Variants in RALGPS1 observed in about 807,000 individuals in gnomAD.
The protein encoded by RALGPS1 is ras-specific guanine nucleotide-releasing factor RalGPS1.
A neutral mutation model predicts 78.8 loss-of-function variants in RALGPS1; 19 were observed. The observed-to-expected ratio is 0.24, with a 90% confidence interval of 0.17 to 0.35. The LOEUF is 0.35. RALGPS1 is among the 10% of genes least tolerant of loss of function. The pLI, the probability that RALGPS1 is intolerant of heterozygous loss-of-function variation, is 1.00. For missense variants in RALGPS1, 454 were observed against 688.3 expected, an observed-to-expected ratio of 0.66 and a Z score of 3.81; for synonymous variants, 228 against 256.3, an observed-to-expected ratio of 0.89 and a Z score of 1.06.
At chr9:127,208,082 G>A (rs146342377) in intron 14 of RALGPS1, among the ~76,000 whole-genome samples, 7 of 152,326 alleles carry the variant, frequency 4.6e-5, no homozygotes, top group African/African-American at 1.7e-4. Flanking sequence ...ATGCTCTTGT[G>A]TGAAAGCATG....
At chr9:127,131,500 G>A (rs2057002845) in intron 8 of RALGPS1, among the ~76,000 whole-genome samples, 1 of 152,190 alleles carries the variant, frequency 6.6e-6, no homozygotes. Flanking sequence ...CAAAAACGGA[G>A]CCTCTCAGGA....
chr9:127,210,899 C>T, intron 14 of RALGPS1: 1 of 826,918 alleles, frequency 1.2e-6, no homozygotes, highest in Admixed American at 2.5e-5. Context: ...CTACATGAGT[C>T]TACTGCCAGG....
chr9:127,019,904 A>G (rs913426983), intron 4 of RALGPS1, among the ~76,000 whole-genome samples: 2 of 152,182 alleles, frequency 1.3e-5, no homozygotes, highest in African/African-American at 4.8e-5. Flanking sequence ...AGATACTACT[A>G]AGCTTCTAAG....
At chr9:127,192,245 G>A (rs1430326734) in intron 11 of RALGPS1, among the ~76,000 whole-genome samples, 3 of 152,234 alleles carry the variant, frequency 2.0e-5, no homozygotes, top group Admixed American at 6.5e-5. Context: ...TGGAGGCCAT[G>A]ATGACTGTGC....
chr9:126,987,891 G>A (rs904875551), intron 4 of RALGPS1, among the ~76,000 whole-genome samples: 4 of 152,168 alleles, frequency 2.6e-5, no homozygotes, highest in South Asian at 2.1e-4. Flanking sequence ...GGGCGCTAGC[G>A]TATCAAGGAA....
intron 8 of RALGPS1, among the ~76,000 whole-genome samples, chr9:127,102,898 G>C (rs1001263912): frequency 6.6e-6 from 1 of 152,206 alleles, no homozygotes; most frequent in African/African-American, 2.4e-5. Flanking sequence ...TTGTACAGTG[G>C]AAACAGCACA....
At chr9:126,919,393 C>G (rs1253665526) in intron 1 of RALGPS1, among the ~76,000 whole-genome samples, 1 of 152,082 alleles carries the variant, frequency 6.6e-6, no homozygotes, top group Admixed American at 6.6e-5. Flanking sequence ...GATTAAAGGG[C>G]AATCCATGTA....
intron 14 of RALGPS1, among the ~76,000 whole-genome samples, chr9:127,204,116 G>A (rs2061800954): frequency 6.6e-6 from 1 of 152,204 alleles, no homozygotes; most frequent in African/African-American, 2.4e-5. Flanking sequence ...GCTAGGCACA[G>A]TGAAGATCTA....
chr9:127,006,355 A>G (rs1366109062), intron 4 of RALGPS1, among the ~76,000 whole-genome samples: 2 of 152,218 alleles, frequency 1.3e-5, no homozygotes, highest in Non-Finnish European at 2.9e-5. Flanking sequence ...ACCCTTGGAG[A>G]ATGGTGGCGT....
intron 4 of RALGPS1, among the ~76,000 whole-genome samples, chr9:126,997,474 A>G (rs1564387890): frequency 6.6e-6 from 1 of 152,216 alleles, no homozygotes; most frequent in African/African-American, 2.4e-5. Flanking sequence ...GATGTGAAGG[A>G]CCTCTTCAAG....
At chr9:127,142,247 A>G (rs933456916) in intron 8 of RALGPS1, among the ~76,000 whole-genome samples, 1 of 152,212 alleles carries the variant, frequency 6.6e-6, no homozygotes. Flanking sequence ...TTGCAGATGT[A>G]TGGGAAGCCC....
At position 127,219,258 on chromosome 9, in the gene RALGPS1, CGTGT is replaced by C. The variant is rs142327423; in HGVS notation, c.*503_*506del. ...GCGTCCTCTGCGTGTGCGTGCTGTA[CGTGT>C]GTGTGTGTGTGTGAGCGAGTGTGAA... On this transcript the variant is annotated 3_prime_UTR_variant, in exon 19 of 19. Coordinates refer to ENST00000259351, the MANE Select transcript of RALGPS1 (RefSeq NM_014636.3). The surrounding 1 kb of genome is among the most constrained non-coding windows in gnomAD (Gnocchi z 5.0). 120 of 186,538 alleles carry C rather than the reference CGTGT, an allele frequency of 6.4e-4. No individual in the cohort carries two copies. The highest frequency in any genetic ancestry group is 2.3e-3 in the African/African-American group (99 of 42,318). 11.6% of individuals were successfully genotyped at this position (186,538 alleles called of 1,614,324 possible). A position where few individuals can be genotyped will look rare whatever the true frequency, so the allele number is the denominator to read the frequency against.
chr9:127,034,786 C>T (rs1293142091), intron 5 of RALGPS1, among the ~76,000 whole-genome samples: 1 of 152,166 alleles, frequency 6.6e-6, no homozygotes, highest in Non-Finnish European at 1.5e-5. Context: ...ATATGCTTTG[C>T]AAGGTTCAGC....
At chr9:127,069,762 T>TATTA (rs1310936230) in intron 8 of RALGPS1, 18 of 154,092 alleles carry the variant, frequency 1.2e-4, no homozygotes, top group African/African-American at 4.3e-4. Flanking sequence ...TAGTAATGTT[T>TATTA]ATTTTTCTGG....
chr9:127,019,167 G>A (rs1021326762), intron 4 of RALGPS1, among the ~76,000 whole-genome samples: 4 of 152,150 alleles, frequency 2.6e-5, no homozygotes, highest in East Asian at 3.8e-4. Context: ...TCCATTGTAT[G>A]TAATGAATGT....
intron 8 of RALGPS1, among the ~76,000 whole-genome samples, chr9:127,155,877 GAGAA>G (rs1362181173): frequency 7.0e-6 from 1 of 142,476 alleles, no homozygotes; most frequent in African/African-American, 2.8e-5. Context: ...TTAATAGAAA[GAGAA>G]AGAAAGAAAT....
Position 127,196,602 on chromosome 9 carries a change from C to A in RALGPS1, c.1166C>A (p.Ser389Tyr). Residue 389 changes from serine to tyrosine, a missense_variant, in exon 13 of 19, where the codon TCC (serine) becomes TAC (tyrosine). Coordinates refer to ENST00000259351, the MANE Select transcript of RALGPS1 (RefSeq NM_014636.3). The stretch of plus-strand genomic sequence containing the variant: ...CGAAGGGGCCTGGCTCTGACCTCCT[C>A]CTCTGCTGTCACCAATGGACTCTCC... ...SPRRGLALTSSSAVTNGLSLG... is the reference protein window; with the variant it reads ...SPRRGLALTSYSAVTNGLSLG... 1.9e-6 allele frequency: 3 copies of A among 1,610,562 alleles called. No individual in the cohort carries two copies. Among genetic ancestry groups the A allele is most frequent in the Non-Finnish European group, 2.5e-6 (3 of 1,178,120 alleles).
chr9:127,069,413 A>G (rs1461512771), intron 8 of RALGPS1, 57 bp downstream of exon 8: 1 of 1,587,966 alleles, frequency 6.3e-7, no homozygotes, highest in Non-Finnish European at 8.6e-7. Context: ...GCCAAATAAG[A>G]TGTTTTTACA....
chr9:126,967,208 A>T (rs552995577), intron 3 of RALGPS1, among the ~76,000 whole-genome samples: 24 of 152,128 alleles, frequency 1.6e-4, no homozygotes, highest in African/African-American at 5.8e-4. Flanking sequence ...TAAAACCTTC[A>T]AACTCTCTAG....
Sources: allele counts gnomAD v4.1 joint callset (sites outside exome capture counted in the v4.1 genomes callset), GRCh38; gene constraint gnomAD v4.1.1; non-coding constraint Gnocchi (gnomAD v3.1); transcripts MANE v1.5; gene names NCBI Gene and HGNC (gene_info 2026-07-23, HGNC 2026-07-21).